The following AUTS2 variants were observed in gnomAD, a reference collection of about 807,000 sequenced individuals.
AUTS2 encodes activator of transcription and developmental regulator AUTS2.
Under a neutral mutation model 112.4 loss-of-function variants are expected in AUTS2, and 17 were observed. The observed-to-expected ratio is 0.15, with a 90% CI of 0.10 to 0.23. AUTS2 has a LOEUF of 0.23. Among genes scored for constraint, AUTS2 ranks in the 10% least tolerant of loss-of-function variants. AUTS2 has a pLI of 1.00. For synonymous variants in AUTS2, 751 were observed against 702.7 expected (o/e 1.07, Z -1.09); for missense variants, 1,510 against 1,701.6 (o/e 0.89, Z 1.98).
intron 2 of AUTS2, among the ~76,000 whole-genome samples, chr7:69,973,038 T>A (rs1182452038): frequency 1.4e-5 from 2 of 145,594 alleles, no homozygotes; most frequent in Non-Finnish European, 3.0e-5. Context: ...GTTTTGGGAA[T>A]TTTTTTTTTA....
At chr7:70,141,038 T>C (rs1806834498) in intron 4 of AUTS2, among the ~76,000 whole-genome samples, 1 of 152,158 alleles carries the variant, frequency 6.6e-6, no homozygotes, top group African/African-American at 2.4e-5. Flanking sequence ...CTTGGAAGTA[T>C]AAAGGAGGGT....
chr7:70,000,342 A>C (rs1041221850), intron 2 of AUTS2, among the ~76,000 whole-genome samples: 1 of 152,078 alleles, frequency 6.6e-6, no homozygotes, highest in Non-Finnish European at 1.5e-5. Context: ...CTCAAATTGT[A>C]CTGTAATCAT....
At chr7:70,139,054 C>T (rs1347961261) in intron 4 of AUTS2, among the ~76,000 whole-genome samples, 1 of 152,188 alleles carries the variant, frequency 6.6e-6, no homozygotes, top group Non-Finnish European at 1.5e-5. Context: ...CAGCCTCAGC[C>T]TTTCTGGGCT....
intron 5 of AUTS2, among the ~76,000 whole-genome samples, chr7:70,580,385 C>T (rs1248112704): frequency 1.3e-5 from 2 of 152,146 alleles, no homozygotes; most frequent in East Asian, 1.9e-4. Flanking sequence ...CACCAGGTAC[C>T]ATGTTTCCTA....
In AUTS2 at chr7:70,786,038, A is replaced by G; in HGVS notation, c.2308A>G (p.Thr770Ala). The G allele has an allele frequency of 6.2e-7, 1 of 1,613,408 alleles. No homozygotes were observed. The highest frequency in any genetic ancestry group is 8.5e-7 in the Non-Finnish European group (1 of 1,179,342). The change falls in exon 17 of 19, where the codon ACA becomes GCA. Residue 770 changes from threonine (T) to alanine (A), a missense_variant and splice_region_variant. Thr to Ala is a moderately conservative substitution (Grantham distance 58). This residue lies in a region of AUTS2 where 788 missense variants were observed against 797.6 expected (regional missense o/e 0.99). Transcript: ENST00000342771. ...AFGGLGNPSV[T>A]PNSMFGHKDG... Reference sequence around the variant, plus strand: ...CGGGGGACTTGGAAATCCTTCCGTTAGTGAGTACCTCTAACTTTTAAAAAT... The same window carrying G: ...CGGGGGACTTGGAAATCCTTCCGTTGGTGAGTACCTCTAACTTTTAAAAAT...
At chr7:69,602,040 ATGTGTGTGTGTGTGTGTGTGTG>A (rs6150156) in intron 1 of AUTS2, among the ~76,000 whole-genome samples, 1,550 of 46,258 alleles carry the variant, frequency 0.034, 46 homozygotes, top group African/African-American at 0.089. Flanking sequence ...ATATATATAT[ATGTGTGTGTGTGTGTGTGTGTG>A]TGTGTGTGTG....
chr7:69,953,673 C>G (rs947276922), intron 2 of AUTS2, among the ~76,000 whole-genome samples: 4 of 152,178 alleles, frequency 2.6e-5, no homozygotes, highest in African/African-American at 9.7e-5. Context: ...GATACTAGAA[C>G]TCTTTGGGTA....
chr7:69,637,856 A>G (rs1424083755), intron 1 of AUTS2, among the ~76,000 whole-genome samples: 1 of 152,142 alleles, frequency 6.6e-6, no homozygotes, highest in Non-Finnish European at 1.5e-5. Flanking sequence ...TTGACTGAAC[A>G]TTTGTTATGC....
At chr7:70,251,527 T>C (rs187896711) in intron 4 of AUTS2, among the ~76,000 whole-genome samples, 86 of 152,266 alleles carry the variant, frequency 5.6e-4, no homozygotes, top group Admixed American at 9.8e-4. Flanking sequence ...TTTGGAAAAT[T>C]GTCTATTCAG....
intron 1 of AUTS2, among the ~76,000 whole-genome samples, chr7:69,688,700 A>C (rs1797168325): frequency 6.6e-6 from 1 of 152,158 alleles, no homozygotes; most frequent in Admixed American, 6.5e-5. Flanking sequence ...GTCATCTTCC[A>C]GTGCTATAGA....
intron 1 of AUTS2, among the ~76,000 whole-genome samples, chr7:69,866,797 C>T (rs1258950391): frequency 6.6e-6 from 1 of 152,186 alleles, no homozygotes; most frequent in African/African-American, 2.4e-5. Flanking sequence ...ATTATTTCCA[C>T]CTTCCCGGGG....
intron 4 of AUTS2, among the ~76,000 whole-genome samples, chr7:70,285,632 A>T (rs974782957): frequency 9.2e-5 from 14 of 152,134 alleles, no homozygotes; most frequent in Non-Finnish European, 1.8e-4. Context: ...CCATGTACTG[A>T]TATCTTCTTC....
chr7:69,643,814 T>A (rs1487234058), intron 1 of AUTS2, among the ~76,000 whole-genome samples: 1 of 152,124 alleles, frequency 6.6e-6, no homozygotes, highest in Non-Finnish European at 1.5e-5. Flanking sequence ...TAACCTCCAA[T>A]GTGATGGTAG....
rs183593292 is a variant in AUTS2 at position 69,788,208 on chromosome 7, T to C, written c.310-111078T>C. On this transcript the variant is annotated intron_variant, in intron 1 of 18. Transcript: ENST00000342771. ...CCCAGGGCCCTATCTGAGTATATTG[T>C]GTGGCAGAGTTGTCTCTGGCTGACT... Among the ~76,000 whole-genome samples the C allele has an allele frequency of 1.1e-4, 17 of 152,244 alleles. No individual in the cohort carries two copies. The East Asian group carries it at 3.3e-3, about 29-fold the overall frequency.
chr7:70,279,929 A>G lies in AUTS2; in HGVS notation c.660+145358A>G, dbSNP rs190378369. On this transcript the variant is annotated intron_variant, in intron 4 of 18. Transcript: ENST00000342771. ...ATATAATATAGCAGTAAAGACCACA[A>G]ACTTTAGAATGAGGCACACCTGGGT... 5.3e-4 allele frequency among the ~76,000 whole-genome samples: 81 copies of G among 152,312 alleles called. No homozygotes were observed. The East Asian group carries it at 5.4e-3, about 10-fold the overall frequency.
At chr7:70,109,946 A>G (rs778590083) in intron 2 of AUTS2, among the ~76,000 whole-genome samples, 1 of 152,232 alleles carries the variant, frequency 6.6e-6, no homozygotes, top group Non-Finnish European at 1.5e-5. Flanking sequence ...TGTGAGTTAT[A>G]CATCAAACAC....
intron 5 of AUTS2, among the ~76,000 whole-genome samples, chr7:70,588,393 G>A (rs774750111): frequency 6.6e-6 from 1 of 152,140 alleles, no homozygotes; most frequent in African/African-American, 2.4e-5. Context: ...GTGTGCAGCC[G>A]GTGGTTTAGC....
intron 2 of AUTS2, among the ~76,000 whole-genome samples, chr7:69,947,337 A>G (rs1451785571): frequency 1.3e-5 from 2 of 152,216 alleles, no homozygotes; most frequent in South Asian, 2.1e-4. Context: ...CATGTTACAC[A>G]TATGGGCATC....
intron 4 of AUTS2, among the ~76,000 whole-genome samples, chr7:70,348,745 T>A (rs867095502): frequency 1.1e-4 from 16 of 152,076 alleles, no homozygotes; most frequent in African/African-American, 1.7e-4. Flanking sequence ...CGGGAGGCGT[T>A]GCTTGCAGTG....
Sources: gnomAD v4.1 joint callset for allele counts (sites outside exome capture counted in the v4.1 genomes callset) on GRCh38, gnomAD v4.1.1 for gene constraint, gnomAD v4.1.1 regional missense constraint, MANE v1.5 for transcripts, NCBI Gene and HGNC (gene_info 2026-07-23, HGNC 2026-07-21) for gene names.